SEC24B: variants seen among roughly 807,000 people sequenced by gnomAD.
SEC24B encodes the protein SEC24 homolog B, COPII component.
SEC24B carries 45 observed loss-of-function variants against 142.8 expected under a neutral mutation model. The observed-to-expected ratio is 0.32, with a 90% CI of 0.25 to 0.40. The LOEUF (loss-of-function observed/expected upper bound fraction) is 0.40, where lower values mean the gene tolerates loss of function less well. SEC24B is among the 10% of genes least tolerant of loss of function. SEC24B has a pLI of 1.00. For missense variants in SEC24B, 1,409 were observed against 1,526.8 expected, an observed-to-expected ratio of 0.92 and a Z score of 1.29; for synonymous variants, 574 against 568.2, an observed-to-expected ratio of 1.01 and a Z score of -0.15.
chr4:109,440,854 A>G (rs1161820985), intron 1 of SEC24B, among the ~76,000 whole-genome samples: 1 of 152,172 alleles, frequency 6.6e-6, no homozygotes, highest in African/African-American at 2.4e-5. Context: ...AAGACTGGCC[A>G]CTGACAGGAG....
intron 5 of SEC24B, 62 bp downstream of exon 5, chr4:109,491,469 A>T: frequency 8.1e-7 from 1 of 1,231,582 alleles, no homozygotes. Context: ...AGTTGCCTTC[A>T]AATGTGAACA....
intron 14 of SEC24B, among the ~76,000 whole-genome samples, chr4:109,523,284 A>G (rs1285306850): frequency 6.6e-6 from 1 of 152,088 alleles, no homozygotes; most frequent in Non-Finnish European, 1.5e-5. Flanking sequence ...AGTCTGGCCA[A>G]CATTGCAAAA....
At chr4:109,521,934 T>C (rs1326178535) in intron 14 of SEC24B, among the ~76,000 whole-genome samples, 1 of 151,730 alleles carries the variant, frequency 6.6e-6, no homozygotes, top group Admixed American at 6.6e-5. Flanking sequence ...GGTTTCACCA[T>C]GTTGGTCAGG....
intron 14 of SEC24B, among the ~76,000 whole-genome samples, chr4:109,522,650 A>T (rs1235806089): frequency 1.3e-5 from 2 of 152,346 alleles, no homozygotes; most frequent in South Asian, 2.1e-4. Flanking sequence ...ATCATTGTAT[A>T]ACACTTGGAA....
chr4:109,532,535 C>T (rs1181851235), intron 20 of SEC24B, 104 bp from the exon 21 acceptor site: 1 of 794,326 alleles, frequency 1.3e-6, no homozygotes, highest in Non-Finnish European at 2.1e-6. Flanking sequence ...GCAAAACTCC[C>T]AAGTGTTATT....
chr4:109,525,566 C>T, intron 16 of SEC24B, 62 bp downstream of exon 16: 1 of 1,125,162 alleles, frequency 8.9e-7, no homozygotes, highest in East Asian at 2.6e-5. Flanking sequence ...GTGAGCATTC[C>T]ATGTATTGAC....
At chr4:109,449,629 C>T (rs1337993054) in intron 1 of SEC24B, 2 of 403,666 alleles carry the variant, frequency 5.0e-6, no homozygotes, top group Non-Finnish European at 9.8e-6. Flanking sequence ...TCACTGTGTG[C>T]TCACATGGCC....
chr4:109,514,973 AT>A (rs761583298), intron 10 of SEC24B, among the ~76,000 whole-genome samples: 4 of 152,100 alleles, frequency 2.6e-5, no homozygotes, highest in Non-Finnish European at 4.4e-5. Context: ...CTTCTTTATG[AT>A]TTATTATTTT....
intron 3 of SEC24B, among the ~76,000 whole-genome samples, chr4:109,476,218 C>T (rs140534534): frequency 2.0e-4 from 30 of 152,254 alleles, no homozygotes; most frequent in African/African-American, 7.2e-4. Context: ...AACTCCTGGC[C>T]TCAAGTGATC....
intron 11 of SEC24B, among the ~76,000 whole-genome samples, chr4:109,520,147 A>G (rs929424688): frequency 2.0e-5 from 3 of 152,218 alleles, no homozygotes; most frequent in African/African-American, 7.2e-5. Flanking sequence ...AAAATGCTTA[A>G]GCAAGATATA....
At chr4:109,472,378 G>A (rs961679990) in intron 2 of SEC24B, among the ~76,000 whole-genome samples, 1 of 152,156 alleles carries the variant, frequency 6.6e-6, no homozygotes, top group Admixed American at 6.5e-5. Flanking sequence ...GGTATTTTGA[G>A]CTATCACAAA....
intron 20 of SEC24B, among the ~76,000 whole-genome samples, chr4:109,531,808 G>C (rs1231193215): frequency 6.6e-6 from 1 of 152,042 alleles, no homozygotes; most frequent in African/African-American, 2.4e-5. Flanking sequence ...TTGTAGAGTG[G>C]ACATTTCCAT....
chr4:109,501,110 A>G (rs1217208931), intron 6 of SEC24B, among the ~76,000 whole-genome samples: 6 of 152,212 alleles, frequency 3.9e-5, no homozygotes, highest in African/African-American at 1.4e-4. Flanking sequence ...CATTCATACT[A>G]GGTGTCCTAT....
At chr4:109,531,548 G>A in intron 20 of SEC24B, 26 bp downstream of exon 20, 1 of 1,539,048 alleles carries the variant, frequency 6.5e-7, no homozygotes, top group Non-Finnish European at 9.0e-7. Context: ...CATTTGAAAT[G>A]TTTAAATTTG....
intron 1 of SEC24B, among the ~76,000 whole-genome samples, chr4:109,454,181 G>A (rs1269261471): frequency 6.6e-6 from 1 of 151,916 alleles, no homozygotes; most frequent in African/African-American, 2.4e-5. Flanking sequence ...GTAAAGTCAA[G>A]TTTCTCAATA....
intron 6 of SEC24B, among the ~76,000 whole-genome samples, chr4:109,499,339 C>T (rs1191457067): frequency 6.6e-6 from 1 of 152,078 alleles, no homozygotes; most frequent in Admixed American, 6.5e-5. Flanking sequence ...CTCCCATTTG[C>T]GGGGCATAAC....
At position 109,539,690 on chromosome 4, in the gene SEC24B, G is replaced by A. The variant is rs1470362303; in HGVS notation, c.*15G>A. On this transcript the variant is annotated 3_prime_UTR_variant, in exon 24 of 24. Transcript: ENST00000265175. ...TTTGTAAGTGAAGTAGAATAAAATT[G>A]AATAAGAAAAAGATCTATAACCTAG... The A allele has an allele frequency of 4.6e-6, 7 of 1,523,002 alleles. No individual in the cohort carries two copies. Among genetic ancestry groups the A allele is most frequent in the Non-Finnish European group, 6.4e-6 (7 of 1,101,260 alleles). 94.3% of individuals were successfully genotyped at this position (1,523,002 alleles called of 1,614,324 possible). A position where few individuals can be genotyped will look rare whatever the true frequency, so the allele number is the denominator to read the frequency against.
chr4:109,459,992 T>G (rs1325755441), intron 1 of SEC24B, among the ~76,000 whole-genome samples: 6 of 152,170 alleles, frequency 3.9e-5, no homozygotes, highest in Non-Finnish European at 8.8e-5. Flanking sequence ...AGACTTTATT[T>G]CCTTAAGTAA....
At chr4:109,499,403 T>G (rs922790776) in intron 6 of SEC24B, among the ~76,000 whole-genome samples, 1 of 152,038 alleles carries the variant, frequency 6.6e-6, no homozygotes, top group African/African-American at 2.4e-5. Context: ...TGATCCCAGT[T>G]AAGACAGGAG....
Sources: gnomAD v4.1 joint callset for allele counts (sites outside exome capture counted in the v4.1 genomes callset) on GRCh38, gnomAD v4.1.1 for gene constraint, MANE v1.5 for transcripts, NCBI Gene and HGNC (gene_info 2026-07-23, HGNC 2026-07-21) for gene names.